The following ZDHHC21 variants were observed in gnomAD, a reference collection of about 807,000 sequenced individuals.
ZDHHC21 encodes palmitoyltransferase ZDHHC21.
ZDHHC21 carries 15 observed loss-of-function variants against 34.6 expected under a neutral mutation model. The observed-to-expected ratio is 0.43, with a 90% confidence interval of 0.29 to 0.67. The LOEUF is 0.67. ZDHHC21 is among the 30% of genes least tolerant of loss of function. The probability of loss-of-function intolerance (pLI) is 0.14; values close to 1 mark genes in which losing one functional copy is unlikely to be tolerated. For missense variants in ZDHHC21, 344 were observed against 327.7 expected, an observed-to-expected ratio of 1.05 and a Z score of -0.38; for synonymous variants, 142 against 101.8, an observed-to-expected ratio of 1.40 and a Z score of -2.38.
At chr9:14,622,447 A>T in intron 8 of ZDHHC21, 1 of 813,960 alleles carries the variant, frequency 1.2e-6, no homozygotes, top group Non-Finnish European at 1.5e-6. Context: ...GGAGAAAGAG[A>T]TATCTCTTGG....
intron 8 of ZDHHC21, among the ~76,000 whole-genome samples, chr9:14,631,128 T>C (rs1416877928): frequency 2.6e-5 from 4 of 152,362 alleles, no homozygotes; most frequent in South Asian, 4.1e-4. Context: ...CTTCTTCCAA[T>C]AGAAGGCTGT....
chr9:14,615,272 A>C lies in ZDHHC21; in HGVS notation c.*3694T>G, dbSNP rs1232570882. 1 of 151,696 alleles carries C rather than the reference A, an allele frequency of 6.6e-6. No homozygotes were observed. Among genetic ancestry groups the C allele is most frequent in the East Asian group, 1.9e-4 (1 of 5,166 alleles). The allele number at this position is 151,696 out of a possible 1,614,324, so 9.4% of individuals were successfully genotyped here. ...ATCACCCACTAGTTACTTGTATGGG[A>C]GTGACTTGAATGTGTAACAAAGAAT... is the stretch of plus-strand genomic sequence containing the variant. On this transcript the variant is annotated 3_prime_UTR_variant, in exon 10 of 10. Coordinates refer to ENST00000380916, the MANE Select transcript of ZDHHC21 (RefSeq NM_178566.6).
At chr9:14,608,768 T>C (rs771273772), downstream of ZDHHC21, among the ~76,000 whole-genome samples, 5 of 152,150 alleles carry the variant, frequency 3.3e-5, no homozygotes, top group African/African-American at 4.8e-5. Flanking sequence ...TGCACGCTAA[T>C]ATAATTGCTG....
intron 1 of ZDHHC21, among the ~76,000 whole-genome samples, chr9:14,692,725 G>A (rs563776777): frequency 6.6e-6 from 1 of 152,154 alleles, no homozygotes; most frequent in African/African-American, 2.4e-5. Context: ...GAGTGAGAAG[G>A]TCAATAAAGG....
chr9:14,651,392 G>A (rs969752863), intron 7 of ZDHHC21, among the ~76,000 whole-genome samples: 7 of 151,806 alleles, frequency 4.6e-5, no homozygotes, highest in Non-Finnish European at 8.8e-5. Flanking sequence ...GTTTGAATAG[G>A]ATTTAGTAAT....
At chr9:14,603,812 G>A in the ZDHHC21 span, among the ~76,000 whole-genome samples, 2 of 152,136 alleles carry the variant, frequency 1.3e-5, no homozygotes, top group Non-Finnish European at 2.9e-5. Context: ...CTTTAGAGGG[G>A]TCGAACTCTA....
intron 5 of ZDHHC21, among the ~76,000 whole-genome samples, chr9:14,667,398 CA>C (rs1204979912): frequency 6.6e-6 from 1 of 152,048 alleles, no homozygotes; most frequent in Non-Finnish European, 1.5e-5. Context: ...CAGATGGATT[CA>C]CAGCCAAATT....
the ZDHHC21 span, among the ~76,000 whole-genome samples, chr9:14,596,259 A>AC: frequency 2.0e-5 from 3 of 151,974 alleles, no homozygotes; most frequent in Non-Finnish European, 4.4e-5. Context: ...AATGAGTATG[A>AC]CCCCCCGTGT....
chr9:14,652,785 A>G (rs1831451650), intron 7 of ZDHHC21, among the ~76,000 whole-genome samples: 1 of 152,022 alleles, frequency 6.6e-6, no homozygotes, highest in African/African-American at 2.4e-5. Flanking sequence ...CAATGGTCAA[A>G]GTGCAACTCA....
chr9:14,609,355 G>C (rs1228613905), downstream of ZDHHC21, among the ~76,000 whole-genome samples: 1 of 152,030 alleles, frequency 6.6e-6, no homozygotes, highest in Non-Finnish European at 1.5e-5. Context: ...TTCTTTCATG[G>C]AACACCATTT....
intron 3 of ZDHHC21, among the ~76,000 whole-genome samples, chr9:14,675,894 A>C (rs769549464): frequency 6.6e-6 from 1 of 151,920 alleles, no homozygotes; most frequent in Non-Finnish European, 1.5e-5. Context: ...AGAATACTGC[A>C]AACAGAAGGA....
At chr9:14,688,793 C>T (rs10810219) in intron 2 of ZDHHC21, among the ~76,000 whole-genome samples, 33,780 of 151,988 alleles carry the variant, frequency 0.22, 4,124 homozygotes, top group South Asian at 0.35. Context: ...ACCCGGGAGG[C>T]GGAGGTTGCA....
intron 7 of ZDHHC21, among the ~76,000 whole-genome samples, chr9:14,649,487 A>G (rs1294514316): frequency 6.6e-6 from 1 of 152,050 alleles, no homozygotes; most frequent in Non-Finnish European, 1.5e-5. Context: ...ACCCTTAGCT[A>G]AAGTTTATTA....
intron 7 of ZDHHC21, among the ~76,000 whole-genome samples, chr9:14,641,897 A>T (rs933272702): frequency 6.6e-6 from 1 of 152,218 alleles, no homozygotes; most frequent in Non-Finnish European, 1.5e-5. Flanking sequence ...TCGGAGTGGT[A>T]AGCCCTGTGG....
chr9:14,662,458 G>T, intron 5 of ZDHHC21, 132 bp from the exon 6 acceptor site: 1 of 625,420 alleles, frequency 1.6e-6, no homozygotes, highest in Non-Finnish European at 2.7e-6. Flanking sequence ...CTAAGCCTTT[G>T]GTATAAATGT....
the ZDHHC21 span, among the ~76,000 whole-genome samples, chr9:14,597,508 C>G: frequency 0.1 from 15,938 of 152,226 alleles, 1,179 homozygotes; most frequent in East Asian, 0.3. Context: ...AACGCAGTCC[C>G]TTCCCTAGCA....
the ZDHHC21 span, chr9:14,589,349 C>A: frequency 6.6e-6 from 1 of 152,068 alleles, no homozygotes; most frequent in East Asian, 1.9e-4. Context: ...TATAGTACTA[C>A]TATAATCCCT....
intron 3 of ZDHHC21, among the ~76,000 whole-genome samples, chr9:14,674,810 CA>C (rs1260427482): frequency 2.6e-5 from 4 of 151,810 alleles, no homozygotes; most frequent in Non-Finnish European, 5.9e-5. Context: ...TCACACAAGT[CA>C]AAACAGTGGT....
intron 8 of ZDHHC21, among the ~76,000 whole-genome samples, chr9:14,620,689 A>G (rs527884088): frequency 6.6e-6 from 1 of 152,176 alleles, no homozygotes; most frequent in South Asian, 2.1e-4. Context: ...ACAACTCTTT[A>G]GAGATGTTAA....
Sources: gnomAD v4.1 joint callset for allele counts (sites outside exome capture counted in the v4.1 genomes callset) on GRCh38, gnomAD v4.1.1 for gene constraint, MANE v1.5 for transcripts, NCBI Gene and HGNC (gene_info 2026-07-23, HGNC 2026-07-21) for gene names.